Variants in IFT74 observed in about 807,000 individuals in gnomAD.
The protein encoded by IFT74 is intraflagellar transport protein 74 homolog.
Under a neutral mutation model 96.7 loss-of-function variants are expected in IFT74, and 92 were observed. That is an observed-to-expected ratio of 0.95 (90% CI 0.80 to 1.13). IFT74 has a LOEUF of 1.13. Among genes scored for constraint, IFT74 ranks in the 50% most tolerant of loss-of-function variants. The pLI is 0.00. For synonymous variants in IFT74, 223 were observed against 213.2 expected (o/e 1.05, Z -0.40); for missense variants, 811 against 698.2 (o/e 1.16, Z -1.82).
chr9:27,016,454 C>T (rs1453246611), intron 10 of IFT74, among the ~76,000 whole-genome samples: 1 of 152,186 alleles, frequency 6.6e-6, no homozygotes, highest in African/African-American at 2.4e-5. Context: ...AAGACTCCAG[C>T]TTACCTTTTT....
At chr9:26,963,443 G>T (rs1355149116) in intron 2 of IFT74, among the ~76,000 whole-genome samples, 2 of 150,088 alleles carry the variant, frequency 1.3e-5, no homozygotes, top group Non-Finnish European at 2.9e-5. Context: ...CTTTATAGCA[G>T]CATGATTTAT....
In IFT74 at chr9:27,009,057, G is replaced by A. The variant is rs753577983; in HGVS notation, c.625G>A (p.Glu209Lys). Residue 209 changes from glutamate (E) to lysine (K), a missense_variant, in exon 9 of 20, where the codon GAA becomes AAA. Coordinates refer to ENST00000380062, the MANE Select transcript of IFT74 (RefSeq NM_025103.4). ...KQIRSVEEEI[E>K]QEKQATDDII... ...AATCAGAAGTGTCGAAGAAGAAATT[G>A]AACAGGAAAAACAAGCAACAGATGA... 5 of 1,612,992 alleles carry A rather than the reference G, an allele frequency of 3.1e-6. No individual in the cohort carries two copies. Among genetic ancestry groups the A allele is most frequent in the Non-Finnish European group, 4.2e-6 (5 of 1,179,344 alleles).
upstream of IFT74, among the ~76,000 whole-genome samples, chr9:26,951,849 G>A (rs148314359): frequency 6.7e-3 from 1,024 of 152,240 alleles, 14 homozygotes; most frequent in African/African-American, 0.023. Flanking sequence ...AGTGAGCCGA[G>A]ATAGCTCCAC....
chr9:26,980,234 T>G (rs1454303841), intron 3 of IFT74, among the ~76,000 whole-genome samples: 1 of 152,152 alleles, frequency 6.6e-6, no homozygotes, highest in East Asian at 1.9e-4. Flanking sequence ...CAGTGTTAAT[T>G]TAGAATATTT....
exon 1 of IFT74, chr9:26,947,120 G>A: frequency 1.4e-6 from 2 of 1,392,490 alleles, no homozygotes; most frequent in Non-Finnish European, 1.9e-6. Context: ...GGAGAGCGCC[G>A]GGCCGCGGCG....
At chr9:26,947,111 G>A (rs1195728526) in exon 1 of IFT74, 4 of 1,411,616 alleles carry the variant, frequency 2.8e-6, no homozygotes, top group South Asian at 1.5e-5. Context: ...GGGCGACTCG[G>A]AGAGCGCCGG....
chr9:27,045,985 C>G lies in IFT74; in HGVS notation c.1108+1190C>G, dbSNP rs28509785. Among the ~76,000 whole-genome samples the G allele has an allele frequency of 8.2e-3, 1,242 of 152,092 alleles. 16 individuals are homozygous for G. The highest frequency in any genetic ancestry group is 0.027 in the African/African-American group (1,140 of 41,506). ...TGGCACTTAGGTGTCAATAAGTGTT[C>G]ATTTAATGAATGTTTACTGAATGAA... is the stretch of plus-strand genomic sequence containing the variant. On this transcript the variant is annotated intron_variant, in intron 14 of 19. Coordinates refer to ENST00000380062, the MANE Select transcript of IFT74 (RefSeq NM_025103.4).
At chr9:26,965,512 A>G (rs963067291) in intron 2 of IFT74, among the ~76,000 whole-genome samples, 2 of 152,258 alleles carry the variant, frequency 1.3e-5, no homozygotes, top group East Asian at 1.9e-4. Context: ...GTCTTCATAC[A>G]TAGGATAGTA....
intron 2 of IFT74, among the ~76,000 whole-genome samples, chr9:26,969,989 A>G (rs1346260370): frequency 1.3e-5 from 2 of 151,330 alleles, no homozygotes; most frequent in African/African-American, 4.9e-5. Context: ...TTTCCTTAGC[A>G]CTTCGAAAAT....
chr9:27,008,845 A>G (rs1458919821), intron 8 of IFT74, among the ~76,000 whole-genome samples, 175 bp from the exon 9 acceptor site: 1 of 152,214 alleles, frequency 6.6e-6, no homozygotes, highest in Non-Finnish European at 1.5e-5. Flanking sequence ...TAATGGGGCC[A>G]AATTTTATAT....
In IFT74 at chr9:27,009,116, C is replaced by G. The variant is rs1478312348; in HGVS notation, c.684C>G (p.Val228=). 1 of 1,613,016 alleles carries G rather than the reference C, an allele frequency of 6.2e-7. No individual in the cohort carries two copies. Among genetic ancestry groups the G allele is most frequent in the East Asian group, 2.2e-5 (1 of 44,760 alleles). Reference sequence around the variant, plus strand: ...AAAATATGTCTTTTGAAAACCAAGTCAAGTACCTAGAGATGAAAACCACAA... The same window carrying G: ...AAAATATGTCTTTTGAAAACCAAGTGAAGTACCTAGAGATGAAAACCACAA... ...IIKNMSFENQ[V]KYLEMKTTNE... Residue 228 remains valine (V), a synonymous_variant, in exon 9 of 20, where the codon GTC becomes GTG. Transcript: ENST00000380062.
At chr9:27,004,251 G>A (rs942278881) in intron 8 of IFT74, among the ~76,000 whole-genome samples, 2 of 152,050 alleles carry the variant, frequency 1.3e-5, no homozygotes, top group Non-Finnish European at 2.9e-5. Flanking sequence ...TCTCAAGTGC[G>A]CTAAAAGAAA....
chr9:27,015,909 A>G (rs1330195816), intron 10 of IFT74, among the ~76,000 whole-genome samples: 1 of 152,202 alleles, frequency 6.6e-6, no homozygotes, highest in Admixed American at 6.5e-5. Context: ...CTCAAATGTC[A>G]TTTTAATCAT....
At chr9:26,992,879 T>A (rs1339056719) in intron 8 of IFT74, among the ~76,000 whole-genome samples, 1 of 152,148 alleles carries the variant, frequency 6.6e-6, no homozygotes, top group Non-Finnish European at 1.5e-5. Context: ...GCTTCTGTTT[T>A]CATTCTCTTC....
intron 16 of IFT74, 123 bp downstream of exon 16, chr9:27,048,397 A>T (rs1220358955): frequency 3.2e-6 from 2 of 624,288 alleles, no homozygotes; most frequent in South Asian, 3.2e-5. Context: ...CCCCAGAATT[A>T]TGTGTGGCTT....
chr9:26,961,090 T>G (rs955082910), intron 1 of IFT74, among the ~76,000 whole-genome samples: 52 of 150,432 alleles, frequency 3.5e-4, no homozygotes, highest in African/African-American at 9.0e-4. Context: ...CTTGTTTTTT[T>G]TTTTTTTTTT....
At chr9:27,038,556 C>T (rs1046219547) in intron 13 of IFT74, among the ~76,000 whole-genome samples, 4 of 152,112 alleles carry the variant, frequency 2.6e-5, no homozygotes, top group Non-Finnish European at 4.4e-5. Context: ...GGATTACAGG[C>T]GTGAGCCCAC....
chr9:26,977,925 A>T (rs1827195809), intron 2 of IFT74, among the ~76,000 whole-genome samples: 2 of 152,282 alleles, frequency 1.3e-5, no homozygotes, highest in African/African-American at 4.8e-5. Flanking sequence ...ATTTTTAAAT[A>T]GTCATAGAAC....
At chr9:27,051,619 T>A (rs915174192) in intron 16 of IFT74, among the ~76,000 whole-genome samples, 1 of 152,188 alleles carries the variant, frequency 6.6e-6, no homozygotes, top group African/African-American at 2.4e-5. Context: ...ACCGTTCTAC[T>A]TCTGTTTCTA....
Sources: gnomAD v4.1 joint callset for allele counts (sites outside exome capture counted in the v4.1 genomes callset) on GRCh38, gnomAD v4.1.1 for gene constraint, MANE v1.5 for transcripts, NCBI Gene and HGNC (gene_info 2026-07-23, HGNC 2026-07-21) for gene names.